VPS13B: variants seen among roughly 807,000 people sequenced by gnomAD.
VPS13B encodes the protein intermembrane lipid transfer protein VPS13B.
Under a neutral mutation model 426.4 loss-of-function variants are expected in VPS13B, and 285 were observed. The observed-to-expected ratio is 0.67, with a 90% confidence interval of 0.61 to 0.74. The LOEUF (loss-of-function observed/expected upper bound fraction) is 0.74, where lower values mean the gene tolerates loss of function less well. Ranked by LOEUF, VPS13B falls within the 30% of genes least tolerant of loss-of-function variation. The probability of loss-of-function intolerance (pLI) is 0.00; values close to 1 mark genes in which losing one functional copy is unlikely to be tolerated. For missense variants in VPS13B, 4,537 were observed against 4,782.6 expected, an observed-to-expected ratio of 0.95 and a Z score of 1.51; for synonymous variants, 1,676 against 1,676.4, an observed-to-expected ratio of 1.00 and a Z score of 0.01.
At chr8:99,015,720 G>C (rs1841579270) in intron 2 of VPS13B, among the ~76,000 whole-genome samples, 1 of 151,736 alleles carries the variant, frequency 6.6e-6, no homozygotes, top group African/African-American at 2.4e-5. Flanking sequence ...TAGCCAACAT[G>C]GTGAAACCCT....
rs781276599 is a variant in VPS13B, at chr8:99,699,832, C to A, written c.6354C>A (p.Ile2118=). ...KISVQTTQIV[I]SMETVPHTSK... ...CTGTTCAAACTACTCAGATTGTGAT[C>A]TCCATGGAAACTGTACCCCATACCA... The change falls in exon 36 of 62, where the codon ATC becomes ATA. Residue 2118 remains isoleucine (I), a synonymous_variant. Transcript: ENST00000357162. 6.2e-7 allele frequency: 1 copy of A among 1,613,780 alleles called. No individual in the cohort carries two copies. The highest frequency in any genetic ancestry group is 1.1e-5 in the South Asian group (1 of 91,020).
At chr8:99,213,139 T>A (rs920413705) in intron 17 of VPS13B, among the ~76,000 whole-genome samples, 7 of 152,220 alleles carry the variant, frequency 4.6e-5, no homozygotes, top group Non-Finnish European at 8.8e-5. Flanking sequence ...TCTAGCTGGG[T>A]AATATGGCGT....
chr8:99,598,972 A>G (rs1827154947), intron 33 of VPS13B, among the ~76,000 whole-genome samples: 1 of 114,294 alleles, frequency 8.7e-6, no homozygotes, highest in Non-Finnish European at 1.9e-5. Context: ...ATTTCTAAAC[A>G]TTTCTAAAGT....
At chr8:99,869,278 C>T (rs928006348) in intron 59 of VPS13B, among the ~76,000 whole-genome samples, 1 of 152,208 alleles carries the variant, frequency 6.6e-6, no homozygotes, top group Non-Finnish European at 1.5e-5. Context: ...CATGTGAGCA[C>T]ACTGTGTCTG....
At chr8:99,577,092 G>T (rs541446315) in intron 32 of VPS13B, among the ~76,000 whole-genome samples, 1 of 149,936 alleles carries the variant, frequency 6.7e-6, no homozygotes, top group Non-Finnish European at 1.5e-5. Flanking sequence ...CTCTACTATC[G>T]TACCTAGTAC....
intron 3 of VPS13B, among the ~76,000 whole-genome samples, chr8:99,075,041 A>G (rs1845046740): frequency 6.6e-6 from 1 of 151,870 alleles, no homozygotes; most frequent in Non-Finnish European, 1.5e-5. Flanking sequence ...ATTTTTTTGG[A>G]ATAGTTTAAG....
chr8:99,235,701 CA>C (rs1288558776), intron 17 of VPS13B, among the ~76,000 whole-genome samples: 6 of 152,134 alleles, frequency 3.9e-5, no homozygotes, highest in African/African-American at 1.4e-4. Flanking sequence ...TGATGCGTTA[CA>C]TTAAATCCAC....
At chr8:99,658,778 A>T (rs1354240025) in intron 34 of VPS13B, among the ~76,000 whole-genome samples, 1 of 152,070 alleles carries the variant, frequency 6.6e-6, no homozygotes, top group Non-Finnish European at 1.5e-5. Flanking sequence ...TACAGGCATT[A>T]TCGGGTGTTG....
intron 21 of VPS13B, among the ~76,000 whole-genome samples, chr8:99,427,954 A>G (rs1402065870): frequency 1.3e-5 from 2 of 152,178 alleles, no homozygotes; most frequent in African/African-American, 2.4e-5. Context: ...GAGCAATGGA[A>G]CAGAACAGAG....
intron 33 of VPS13B, among the ~76,000 whole-genome samples, chr8:99,616,939 G>T (rs201917725): frequency 6.6e-6 from 1 of 152,136 alleles, no homozygotes; most frequent in Non-Finnish European, 1.5e-5. Context: ...ATATATTGGG[G>T]GTTAATAACA....
At chr8:99,874,964 A>G (rs1817621046) in intron 61 of VPS13B, 1 of 184,008 alleles carries the variant, frequency 5.4e-6, no homozygotes. Flanking sequence ...GGTGTTCTCC[A>G]CTTTAAGACG....
At chr8:99,585,711 C>A (rs1473634885) in intron 33 of VPS13B, among the ~76,000 whole-genome samples, 1 of 152,074 alleles carries the variant, frequency 6.6e-6, no homozygotes, top group Non-Finnish European at 1.5e-5. Flanking sequence ...GAAAAACTCA[C>A]AATTATCATC....
chr8:99,789,179 T>C (rs1296329168), intron 43 of VPS13B, among the ~76,000 whole-genome samples: 4 of 152,206 alleles, frequency 2.6e-5, no homozygotes, highest in African/African-American at 9.6e-5. Flanking sequence ...TCTGCCTATC[T>C]TTTAGTAATT....
intron 3 of VPS13B, among the ~76,000 whole-genome samples, chr8:99,045,147 T>G (rs1165478888): frequency 6.6e-6 from 1 of 152,202 alleles, no homozygotes. Flanking sequence ...CTATAGTGGT[T>G]GTACTAGTTT....
intron 17 of VPS13B, among the ~76,000 whole-genome samples, chr8:99,250,895 G>C (rs991246465): frequency 2.4e-5 from 3 of 123,872 alleles, no homozygotes; most frequent in Non-Finnish European, 5.7e-5. Flanking sequence ...TAAATATTTT[G>C]TTAGTTTTAT....
chr8:99,809,968 T>C (rs373939475), intron 44 of VPS13B, among the ~76,000 whole-genome samples: 2 of 152,204 alleles, frequency 1.3e-5, no homozygotes, highest in East Asian at 3.9e-4. Flanking sequence ...TACTCTCCCA[T>C]GACAGAGTGG....
rs147522480 is a variant in VPS13B, at chr8:99,577,053, C to T, written c.5077-437C>T. 2.6e-4 allele frequency among the ~76,000 whole-genome samples: 40 copies of T among 152,062 alleles called. 1 individual carries two copies. The highest frequency in any genetic ancestry group is 9.4e-4 in the African/African-American group (39 of 41,516). On this transcript the variant is annotated intron_variant, in intron 32 of 61. Transcript: ENST00000357162. ...TCAAGAGCAGGTTGCCCTTCAAGGC[C>T]GACATTATTCTTTGTGATATTCATA...
rs759252641 is a variant in VPS13B at position 99,699,952 on chromosome 8, A to C, written c.6454+20A>C. 2 of 1,612,702 alleles carry C rather than the reference A, an allele frequency of 1.2e-6. No homozygotes were observed. The highest frequency in any genetic ancestry group is 2.2e-5 in the South Asian group (2 of 90,750). On this transcript the variant is annotated intron_variant, in intron 36 of 61. Transcript: ENST00000357162. ...TACCTGGTAAGTCACAGAAAAGGGG[A>C]GGGGGGAGACAGAACAAGTAAGATG...
intron 35 of VPS13B, among the ~76,000 whole-genome samples, chr8:99,664,001 A>T (rs1167820679): frequency 6.6e-6 from 1 of 151,926 alleles, no homozygotes; most frequent in Non-Finnish European, 1.5e-5. Flanking sequence ...CAGTATTAGA[A>T]ATGTGATTTT....
Sources: allele counts gnomAD v4.1 joint callset (sites outside exome capture counted in the v4.1 genomes callset), GRCh38; gene constraint gnomAD v4.1.1; transcripts MANE v1.5; gene names NCBI Gene and HGNC (gene_info 2026-07-23, HGNC 2026-07-21).